Variants in BAZ1B observed in about 807,000 individuals in gnomAD.
BAZ1B encodes bromodomain adjacent to zinc finger domain 1B.
In BAZ1B, 22 loss-of-function variants were observed where a neutral mutation model predicts 153.8. The ratio of observed to expected loss-of-function variants is 0.14; its 90% CI spans 0.10 to 0.20. The LOEUF is 0.20. BAZ1B is among the 10% of genes least tolerant of loss of function. The pLI is 1.00. For synonymous variants in BAZ1B, 676 were observed against 633.4 expected (o/e 1.07, Z -1.01); for missense variants, 1,325 against 1,799.3 (o/e 0.74, Z 4.77).
At chr7:73,469,796 T>A in intron 8 of BAZ1B, 146 bp from the exon 9 acceptor site, 1 of 883,340 alleles carries the variant, frequency 1.1e-6, no homozygotes, top group South Asian at 1.8e-5. Context: ...TCTAGACAGA[T>A]AAAAATTGCA....
rs144668453 is a variant in BAZ1B, at chr7:73,521,479, C to T, written c.107+348G>A. 2.2e-4 allele frequency among the ~76,000 whole-genome samples: 33 copies of T among 152,320 alleles called. No homozygotes were observed. In the East Asian group the frequency reaches 6.2e-3, roughly 28 times the overall value. ...AGGAGAAAACCTAGCTCCCCCTCCC[C>T]ACGCCTCCTCCTCCCTCTCGGGTCC... On this transcript the variant is annotated intron_variant, in intron 1 of 19. Coordinates refer to ENST00000339594, the MANE Select transcript of BAZ1B (RefSeq NM_032408.4).
chr7:73,447,209 C>T (rs1161629923), intron 16 of BAZ1B, 55 bp downstream of exon 16: 28 of 1,611,802 alleles, frequency 1.7e-5, no homozygotes, highest in Admixed American at 8.3e-5. Flanking sequence ...CCTTTCCAAG[C>T]GTTCCAAGCT....
At chr7:73,512,503 T>C (rs1790629297) in intron 1 of BAZ1B, among the ~76,000 whole-genome samples, 1 of 152,184 alleles carries the variant, frequency 6.6e-6, no homozygotes, top group Admixed American at 6.5e-5. Flanking sequence ...AATACTGAGA[T>C]TCAGAAGATC....
At chr7:73,513,297 C>A (rs782776589) in intron 1 of BAZ1B, among the ~76,000 whole-genome samples, 4 of 152,166 alleles carry the variant, frequency 2.6e-5, no homozygotes, top group African/African-American at 4.8e-5. Context: ...AGGTTATGAT[C>A]AGCAAAAACG....
intron 9 of BAZ1B, among the ~76,000 whole-genome samples, chr7:73,467,027 G>A (rs1788615761): frequency 6.6e-6 from 1 of 152,248 alleles, no homozygotes; most frequent in East Asian, 1.9e-4. Context: ...TGCCTCCCAG[G>A]TTCATGCAAT....
Position 73,462,980 on chromosome 7 carries a change from G to C in BAZ1B, c.3191C>G (p.Thr1064Arg). ...FLRSDLIEVA[T>R]RLQKGGLGYV... is the part of the protein sequence containing the mutation. ...TCCAAGTCCTCCTTTTTGTAACCTT[G>C]TTGCAACTTCAATGAGATCACTACG... The change falls in exon 12 of 20, where the codon ACA (threonine) becomes AGA (arginine). Residue 1064 changes from threonine to arginine, a missense_variant. By Grantham distance (71) the Thr-to-Arg change is moderately conservative. Around this residue, in one of 9 missense-constraint regions of BAZ1B, gnomAD observed 431 missense variants for 563.5 expected, o/e 0.76. Coordinates refer to ENST00000339594, the MANE Select transcript of BAZ1B (RefSeq NM_032408.4). The C allele has an allele frequency of 6.2e-7, 1 of 1,613,890 alleles. No individual in the cohort carries two copies. Among genetic ancestry groups the C allele is most frequent in the Non-Finnish European group, 8.5e-7 (1 of 1,179,970 alleles).
intron 8 of BAZ1B, among the ~76,000 whole-genome samples, chr7:73,469,900 GT>G (rs1788731379): frequency 6.6e-6 from 1 of 152,096 alleles, no homozygotes; most frequent in Non-Finnish European, 1.5e-5. Context: ...TTGAAATGGG[GT>G]CTCGCTATGT....
Position 73,479,902 on chromosome 7 carries a change from G to A in BAZ1B, c.892-1333C>T, listed in dbSNP as rs575710344. On this transcript the variant is annotated intron_variant, in intron 6 of 19. Transcript: ENST00000339594. ...TGGGTGGTCTCAGCTGGGTGTGGAG[G>A]CTCACACCTGTAATCCCAGCACTTT... Among the ~76,000 whole-genome samples, 24 of 152,210 alleles carry A rather than the reference G, an allele frequency of 1.6e-4. No homozygotes were observed. The South Asian group carries it at 5.0e-3, about 32-fold the overall frequency.
chr7:73,454,992 A>G (rs1554569333), intron 13 of BAZ1B, among the ~76,000 whole-genome samples: 1 of 151,418 alleles, frequency 6.6e-6, no homozygotes, highest in Non-Finnish European at 1.5e-5. Flanking sequence ...AGTAGCTGGG[A>G]CTACAGGCTC....
chr7:73,516,342 C>CT (rs1197324443), intron 1 of BAZ1B, among the ~76,000 whole-genome samples: 3 of 151,748 alleles, frequency 2.0e-5, no homozygotes, highest in African/African-American at 4.8e-5. Context: ...CCATTTTTTT[C>CT]TTTTTTTAAT....
chr7:73,451,111 C>A (rs1788013789), intron 13 of BAZ1B, 117 bp from the exon 14 acceptor site: 4 of 1,267,506 alleles, frequency 3.2e-6, no homozygotes, highest in Non-Finnish European at 3.2e-6. Context: ...TAGAACTTCA[C>A]TAATCTAAAC....
rs560112936 is a variant in BAZ1B, at chr7:73,453,671, G to C, written c.3433-2677C>G. Reference sequence around the variant, plus strand: ...CTTAGACATCTAAAAGGTTACCTAGGTGCTATACACAGTCATTTAAAAGGA... The same window carrying C: ...CTTAGACATCTAAAAGGTTACCTAGCTGCTATACACAGTCATTTAAAAGGA... On this transcript the variant is annotated intron_variant, in intron 13 of 19. Coordinates refer to ENST00000339594, the MANE Select transcript of BAZ1B (RefSeq NM_032408.4). Among the ~76,000 whole-genome samples the C allele has an allele frequency of 1.9e-4, 29 of 152,308 alleles. No homozygotes were observed. In the South Asian group the frequency reaches 5.6e-3, roughly 29 times the overall value.
chr7:73,447,075 A>G (rs1283020101), intron 16 of BAZ1B, among the ~76,000 whole-genome samples, 189 bp downstream of exon 16: 11 of 152,196 alleles, frequency 7.2e-5, no homozygotes, highest in African/African-American at 2.4e-4. Flanking sequence ...CTCTCCCACC[A>G]GGCAGGAAGT....
intron 17 of BAZ1B, among the ~76,000 whole-genome samples, chr7:73,443,395 T>C (rs1787702892): frequency 6.6e-6 from 1 of 152,112 alleles, no homozygotes; most frequent in African/African-American, 2.4e-5. Flanking sequence ...AAAGCTGTGA[T>C]TCACAGCAGA....
intron 9 of BAZ1B, 37 bp from the exon 10 acceptor site, chr7:73,466,438 A>G: frequency 7.0e-7 from 1 of 1,427,310 alleles, no homozygotes; most frequent in African/African-American, 1.4e-5. Context: ...ACTTTAGTAA[A>G]TACCCAATTG....
rs781873390 is a variant in BAZ1B at position 73,465,495 on chromosome 7, G to T, written c.3015C>A (p.Asn1005Lys). The T allele has an allele frequency of 8.1e-6, 13 of 1,609,736 alleles. No individual in the cohort carries two copies. The African/African-American group carries it at 1.7e-4, about 22-fold the overall frequency. The change falls in exon 11 of 20, where the codon AAC becomes AAA. Residue 1005 changes from asparagine (N) to lysine (K), a missense_variant. Physicochemically the swap from Asn to Lys is moderately conservative, Grantham distance 94. This residue lies in a region of BAZ1B where 431 missense variants were observed against 563.5 expected (regional missense o/e 0.76). Coordinates refer to ENST00000339594, the MANE Select transcript of BAZ1B (RefSeq NM_032408.4). ...DSQKELDELL[N>K]CLHPQGIRES... ...CTCTTATTCCCTGAGGGTGAAGACA[G>T]TTTAGCAACTCATCCAGCTCCTTTT...
chr7:73,505,683 TG>T (rs1165265489), intron 3 of BAZ1B, among the ~76,000 whole-genome samples: 4 of 151,916 alleles, frequency 2.6e-5, no homozygotes, highest in African/African-American at 9.7e-5. Flanking sequence ...CCCGAGTAGC[TG>T]GGACTACAGG....
intron 17 of BAZ1B, among the ~76,000 whole-genome samples, 177 bp downstream of exon 17, chr7:73,443,807 G>A (rs1474019020): frequency 6.6e-6 from 1 of 152,204 alleles, no homozygotes; most frequent in Non-Finnish European, 1.5e-5. Flanking sequence ...GTTCCTGGAG[G>A]CCTTGCTGCT....
intron 6 of BAZ1B, among the ~76,000 whole-genome samples, chr7:73,478,800 C>T (rs901453199): frequency 6.6e-6 from 1 of 152,090 alleles, no homozygotes; most frequent in African/African-American, 2.4e-5. Context: ...GACATTTTTG[C>T]TATGTAACTA....
Sources: allele counts gnomAD v4.1 joint callset (sites outside exome capture counted in the v4.1 genomes callset), GRCh38; gene constraint gnomAD v4.1.1; regional missense constraint gnomAD v4.1.1; transcripts MANE v1.5; gene names NCBI Gene and HGNC (gene_info 2026-07-23, HGNC 2026-07-21).